The following KCNIP4 variants were observed in gnomAD, a reference collection of about 807,000 sequenced individuals.
KCNIP4 encodes Kv channel-interacting protein 4.
In KCNIP4, 12 loss-of-function variants were observed where a neutral mutation model predicts 34.0. The ratio of observed to expected loss-of-function variants is 0.35; its 90% CI spans 0.23 to 0.57. The LOEUF is 0.57. Ranked by LOEUF, KCNIP4 falls within the 20% of genes least tolerant of loss-of-function variation. KCNIP4 has a pLI of 0.83. For synonymous variants in KCNIP4, 124 were observed against 102.2 expected (o/e 1.21, Z -1.29); for missense variants, 238 against 311.7 (o/e 0.76, Z 1.78).
intron 1 of KCNIP4, among the ~76,000 whole-genome samples, chr4:21,531,065 AT>A (rs948810387): frequency 7.2e-5 from 11 of 152,148 alleles, no homozygotes; most frequent in African/African-American, 2.7e-4. Flanking sequence ...AAGTCAAAAC[AT>A]TTCTCTCCCA....
intron 1 of KCNIP4, chr4:21,303,964 T>A (rs1712051308): frequency 6.2e-7 from 1 of 1,605,242 alleles, no homozygotes; most frequent in Non-Finnish European, 8.5e-7. Context: ...TGCCTGGCTT[T>A]CTTTGTAAAG....
At chr4:20,852,689 A>G (rs1304850249) in intron 2 of KCNIP4, among the ~76,000 whole-genome samples, 1 of 152,170 alleles carries the variant, frequency 6.6e-6, no homozygotes, top group Non-Finnish European at 1.5e-5. Flanking sequence ...TCAAACTGTC[A>G]TTGTTTGTTG....
At chr4:21,066,908 G>C (rs997470419) in intron 1 of KCNIP4, among the ~76,000 whole-genome samples, 2 of 152,164 alleles carry the variant, frequency 1.3e-5, no homozygotes, top group African/African-American at 4.8e-5. Context: ...GACCTGGTGA[G>C]ATACCAGCCG....
intron 1 of KCNIP4, among the ~76,000 whole-genome samples, chr4:21,836,618 C>T (rs1389283845): frequency 6.6e-6 from 1 of 152,146 alleles, no homozygotes; most frequent in Non-Finnish European, 1.5e-5. Flanking sequence ...TGATGCCTTA[C>T]TTCACACTGT....
intron 1 of KCNIP4, among the ~76,000 whole-genome samples, chr4:21,363,262 A>G (rs966142104): frequency 1.3e-5 from 2 of 152,188 alleles, no homozygotes; most frequent in Non-Finnish European, 2.9e-5. Flanking sequence ...CCTTCATTGA[A>G]CTACCTAGTT....
intron 1 of KCNIP4, among the ~76,000 whole-genome samples, chr4:21,784,525 C>A (rs1297223472): frequency 6.6e-6 from 1 of 151,886 alleles, no homozygotes; most frequent in African/African-American, 2.4e-5. Flanking sequence ...AATATGTCAA[C>A]CTGCCAAAGA....
intron 1 of KCNIP4, among the ~76,000 whole-genome samples, chr4:21,564,022 T>C (rs951408511): frequency 2.6e-5 from 4 of 152,138 alleles, no homozygotes; most frequent in Non-Finnish European, 5.9e-5. Context: ...ATTGTTTTTA[T>C]CTACTATCTC....
chr4:20,843,634 G>A (rs1720014734), intron 3 of KCNIP4, among the ~76,000 whole-genome samples: 1 of 152,180 alleles, frequency 6.6e-6, no homozygotes. Flanking sequence ...GGAGGCTGAG[G>A]CAGAAGAGTC....
At chr4:21,480,006 T>C (rs1731294120) in intron 1 of KCNIP4, among the ~76,000 whole-genome samples, 1 of 151,260 alleles carries the variant, frequency 6.6e-6, no homozygotes. Context: ...GATTTTATTA[T>C]TTTTATAATA....
chr4:20,899,759 T>TTAAGGGA (rs1179060710), intron 1 of KCNIP4, among the ~76,000 whole-genome samples: 3 of 152,182 alleles, frequency 2.0e-5, no homozygotes, highest in Non-Finnish European at 4.4e-5. Context: ...GTAATATCCC[T>TTAAGGGA]TAAAGCTTGC....
At chr4:21,359,751 T>C (rs1404678697) in intron 1 of KCNIP4, among the ~76,000 whole-genome samples, 1 of 152,140 alleles carries the variant, frequency 6.6e-6, no homozygotes, top group Non-Finnish European at 1.5e-5. Flanking sequence ...CATGATGCAG[T>C]TGTAACCACA....
At chr4:21,009,925 C>A (rs958705288) in intron 1 of KCNIP4, among the ~76,000 whole-genome samples, 4 of 152,160 alleles carry the variant, frequency 2.6e-5, no homozygotes, top group African/African-American at 9.7e-5. Flanking sequence ...TCTGCCATAA[C>A]AAAATACCAA....
At chr4:20,838,930 A>G (rs1244099436) in intron 3 of KCNIP4, among the ~76,000 whole-genome samples, 2 of 152,202 alleles carry the variant, frequency 1.3e-5, no homozygotes, top group African/African-American at 4.8e-5. Context: ...AACTACCTAC[A>G]TTTTAATGTT....
chr4:21,599,468 AT>A (rs1280098728), intron 1 of KCNIP4, among the ~76,000 whole-genome samples: 1 of 78,382 alleles, frequency 1.3e-5, no homozygotes, highest in Non-Finnish European at 2.4e-5. Flanking sequence ...AAAGAAAAAA[AT>A]GATAACTACC....
intron 3 of KCNIP4, among the ~76,000 whole-genome samples, chr4:20,772,100 A>G (rs901147538): frequency 4.6e-5 from 7 of 152,188 alleles, no homozygotes; most frequent in African/African-American, 1.2e-4. Flanking sequence ...TGTTTAAGAA[A>G]TGAGCACAGG....
intron 1 of KCNIP4, among the ~76,000 whole-genome samples, chr4:21,393,138 C>T (rs1475290420): frequency 6.6e-6 from 1 of 152,008 alleles, no homozygotes; most frequent in Non-Finnish European, 1.5e-5. Context: ...TGACTATAAC[C>T]CAGATGTATT....
At chr4:21,745,508 A>C (rs528902640) in intron 1 of KCNIP4, among the ~76,000 whole-genome samples, 1 of 152,280 alleles carries the variant, frequency 6.6e-6, no homozygotes, top group East Asian at 1.9e-4. Flanking sequence ...AAAAATCTTA[A>C]ATTAAAGAAA....
At chr4:21,838,786 C>T (rs1052671922) in intron 1 of KCNIP4, among the ~76,000 whole-genome samples, 3 of 152,120 alleles carry the variant, frequency 2.0e-5, no homozygotes, top group Non-Finnish European at 4.4e-5. Flanking sequence ...AAACAAAAAA[C>T]CACTTCTGTA....
chr4:21,061,238 C>T lies in KCNIP4; in HGVS notation c.62-178529G>A, dbSNP rs1016447178. ...ACACATGCCCATCTGAAAATATATT[C>T]GGAGCTTTAAATATATACTATAGGG... is the stretch of plus-strand genomic sequence containing the variant. On this transcript the variant is annotated intron_variant, in intron 1 of 8. Coordinates refer to ENST00000382152, the MANE Select transcript of KCNIP4 (RefSeq NM_025221.6). Among the ~76,000 whole-genome samples, 7 of 151,948 alleles carry T rather than the reference C, an allele frequency of 4.6e-5. No individual in the cohort carries two copies. In the South Asian group the frequency reaches 6.3e-4, roughly 14 times the overall value.
Sources: gnomAD v4.1 joint callset for allele counts (sites outside exome capture counted in the v4.1 genomes callset) on GRCh38, gnomAD v4.1.1 for gene constraint, MANE v1.5 for transcripts, NCBI Gene and HGNC (gene_info 2026-07-23, HGNC 2026-07-21) for gene names.